RBKS: variants seen among roughly 807,000 people sequenced by gnomAD.
The protein encoded by RBKS is ribokinase.
RBKS carries 33 observed loss-of-function variants against 33.9 expected under a neutral mutation model. That is an observed-to-expected ratio of 0.97 (90% CI 0.74 to 1.30). RBKS has a LOEUF of 1.30. RBKS is among the 50% of genes most tolerant of loss of function. The pLI, the probability that RBKS is intolerant of heterozygous loss-of-function variation, is 0.00. For missense variants in RBKS, 361 were observed against 392.6 expected, an observed-to-expected ratio of 0.92 and a Z score of 0.68; for synonymous variants, 125 against 143.0, an observed-to-expected ratio of 0.87 and a Z score of 0.90.
rs1254824216 is a variant in RBKS, at chr2:27,861,329, T to A, written c.90-2758A>T. The A allele has an allele frequency of 3.5e-5, 14 of 394,548 alleles. No homozygotes were observed. The Admixed American group carries it at 4.2e-4, about 12-fold the overall frequency. The allele number at this position is 394,548 out of a possible 1,614,324, so 24.4% of individuals were successfully genotyped here. A position where few individuals can be genotyped will look rare whatever the true frequency, so the allele number is the denominator to read the frequency against. On this transcript the variant is annotated intron_variant, in intron 1 of 7. Coordinates refer to ENST00000302188, the MANE Select transcript of RBKS (RefSeq NM_022128.3). Reference sequence around the variant, plus strand: ...ATCTATTCCTGTTCTGAAATGAGGATGTGGAGGTGTTGATTAGGGAAGCAG... The same window carrying A: ...ATCTATTCCTGTTCTGAAATGAGGAAGTGGAGGTGTTGATTAGGGAAGCAG...
Position 27,795,965 on chromosome 2 carries a change from G to C in RBKS, c.796-14177C>G, listed in dbSNP as rs1361806371. Among the ~76,000 whole-genome samples the C allele has an allele frequency of 1.3e-5, 2 of 152,134 alleles. No individual in the cohort carries two copies. The highest frequency in any genetic ancestry group is 2.4e-5 in the African/African-American group (1 of 41,422). ...CTCCTGCTGCCTTGTCCCTTGCTTT[G>C]AGTTGACCTGACTTATTGGTCCTGG... On this transcript the variant is annotated intron_variant, in intron 7 of 7. Transcript: ENST00000302188. The surrounding 1 kb of genome is among the most constrained non-coding windows in gnomAD (Gnocchi z 4.1).
At chr2:27,825,002 T>C (rs1451638767) in intron 7 of RBKS, among the ~76,000 whole-genome samples, 1 of 152,044 alleles carries the variant, frequency 6.6e-6, no homozygotes, top group Non-Finnish European at 1.5e-5. Flanking sequence ...CCAGGCATGG[T>C]GGCGTGTACC....
chr2:27,800,830 A>C (rs565959375), intron 7 of RBKS, among the ~76,000 whole-genome samples: 1 of 152,266 alleles, frequency 6.6e-6, no homozygotes, highest in African/African-American at 2.4e-5. Context: ...CTTGTTTATG[A>C]GGGATGCCAG....
intron 1 of RBKS, chr2:27,889,977 A>T: frequency 2.9e-6 from 1 of 339,232 alleles, no homozygotes; most frequent in Non-Finnish European, 5.4e-6. Flanking sequence ...TTGGGGGCGC[A>T]AGTCTTTGGA....
At chr2:27,796,825 G>A (rs934670999) in intron 7 of RBKS, among the ~76,000 whole-genome samples, 2 of 152,192 alleles carry the variant, frequency 1.3e-5, no homozygotes, top group African/African-American at 2.4e-5. Context: ...GCTAGGGCTC[G>A]AGGCAATGTT....
intron 7 of RBKS, among the ~76,000 whole-genome samples, chr2:27,826,601 T>A (rs1678318428): frequency 6.6e-6 from 1 of 151,994 alleles, no homozygotes; most frequent in African/African-American, 2.4e-5. Flanking sequence ...TAGAATGGGG[T>A]TTCACCATGT....
chr2:27,853,793 G>A (rs1333550278), intron 2 of RBKS, among the ~76,000 whole-genome samples: 3 of 152,128 alleles, frequency 2.0e-5, no homozygotes. Flanking sequence ...TCCTATACAA[G>A]GTTTATATTA....
In RBKS at chr2:27,854,282, A is replaced by G. The variant is rs368815832; in HGVS notation, c.222+4157T>C. 4.2e-4 allele frequency among the ~76,000 whole-genome samples: 64 copies of G among 152,296 alleles called. 1 individual carries two copies. Among genetic ancestry groups the G allele is most frequent in the African/African-American group, 1.5e-3 (63 of 41,566 alleles). ...AAATGATCCTAACTGCTTACTCTCAATTCCTGTGCTGTTTGGACCGGTGAC... is the reference window on the plus strand; with the variant it reads ...AAATGATCCTAACTGCTTACTCTCAGTTCCTGTGCTGTTTGGACCGGTGAC... On this transcript the variant is annotated intron_variant, in intron 2 of 7. Transcript: ENST00000302188.
In RBKS at chr2:27,842,735, C is replaced by T. The variant is rs551204754; in HGVS notation, c.514+332G>A. On this transcript the variant is annotated intron_variant, in intron 5 of 7. Coordinates refer to ENST00000302188, the MANE Select transcript of RBKS (RefSeq NM_022128.3). Reference sequence around the variant, plus strand: ...GCAGCAGAGCGATCTCGGCTCACTGCAACCTCCACCTCTAGGGTTCAAGCG... The same window carrying T: ...GCAGCAGAGCGATCTCGGCTCACTGTAACCTCCACCTCTAGGGTTCAAGCG... Among the ~76,000 whole-genome samples the T allele has an allele frequency of 1.7e-3, 265 of 152,084 alleles. 1 individual carries two copies. The highest frequency in any genetic ancestry group is 6.8e-3 in the Middle Eastern group (2 of 294).
chr2:27,844,664 G>A (rs768256825), intron 4 of RBKS, among the ~76,000 whole-genome samples: 1 of 151,976 alleles, frequency 6.6e-6, no homozygotes, highest in East Asian at 1.9e-4. Flanking sequence ...CCCAAAGTGC[G>A]GGGATTACAG....
chr2:27,878,645 C>T (rs977358835), intron 1 of RBKS, among the ~76,000 whole-genome samples: 3 of 152,014 alleles, frequency 2.0e-5, no homozygotes, highest in Non-Finnish European at 4.4e-5. Context: ...ACAGTCCCAC[C>T]AACAGTGTAA....
At chr2:27,816,754 C>T (rs1453441261) in intron 7 of RBKS, among the ~76,000 whole-genome samples, 4 of 152,082 alleles carry the variant, frequency 2.6e-5, no homozygotes, top group Non-Finnish European at 5.9e-5. Flanking sequence ...CCTGCCACCA[C>T]GCCCAGCTAA....
At position 27,836,971 on chromosome 2, in the gene RBKS, G is replaced by C. The variant is rs770356649; in HGVS notation, c.515-4194C>G. On this transcript the variant is annotated intron_variant, in intron 5 of 7. Coordinates refer to ENST00000302188, the MANE Select transcript of RBKS (RefSeq NM_022128.3). Reference sequence around the variant, plus strand: ...ATACCATCTCACACCAGTCAAAACAGCTATTATTAAAAAGTCAAGGGCCAG... The same window carrying C: ...ATACCATCTCACACCAGTCAAAACACCTATTATTAAAAAGTCAAGGGCCAG... Among the ~76,000 whole-genome samples, 12 of 150,672 alleles carry C rather than the reference G, an allele frequency of 8.0e-5. 1 individual carries two copies. Among genetic ancestry groups the C allele is most frequent in the Non-Finnish European group, 1.5e-4 (10 of 68,016 alleles).
At chr2:27,862,067 C>A (rs111778512) in intron 1 of RBKS, among the ~76,000 whole-genome samples, 263 of 151,428 alleles carry the variant, frequency 1.7e-3, no homozygotes, top group African/African-American at 5.9e-3. Context: ...CCCACCTTAG[C>A]CTCCCAGAGA....
chr2:27,867,515 A>C (rs904917216), intron 1 of RBKS, among the ~76,000 whole-genome samples: 1 of 152,124 alleles, frequency 6.6e-6, no homozygotes, highest in South Asian at 2.1e-4. Flanking sequence ...TGGGGACGAA[A>C]AGGGGCACAT....
chr2:27,825,351 G>T (rs554236739), intron 7 of RBKS, among the ~76,000 whole-genome samples: 1 of 152,166 alleles, frequency 6.6e-6, no homozygotes, highest in Non-Finnish European at 1.5e-5. Context: ...GCCACGTCAT[G>T]TACAAAGATT....
intron 7 of RBKS, among the ~76,000 whole-genome samples, chr2:27,805,480 A>C (rs1677878097): frequency 6.6e-6 from 1 of 152,218 alleles, no homozygotes; most frequent in African/African-American, 2.4e-5. Context: ...CAGTATCCAC[A>C]CAACATAGTT....
chr2:27,794,338 T>TAA lies in RBKS; in HGVS notation c.796-12552_796-12551dup, dbSNP rs1677597766. The stretch of plus-strand genomic sequence containing the variant: ...ATAATAATAATAATAATAATAATAA[T>TAA]AATAATAATAAAGAAATTTTAAAAA... On this transcript the variant is annotated intron_variant, in intron 7 of 7. Coordinates refer to ENST00000302188, the MANE Select transcript of RBKS (RefSeq NM_022128.3). Among the ~76,000 whole-genome samples the TAA allele has an allele frequency of 2.1e-5, 3 of 146,106 alleles. No homozygotes were observed. In the East Asian group the frequency reaches 5.9e-4, roughly 29 times the overall value.
intron 7 of RBKS, among the ~76,000 whole-genome samples, chr2:27,794,653 C>T (rs994990443): frequency 5.5e-5 from 7 of 127,834 alleles, no homozygotes; most frequent in Middle Eastern, 4.8e-3. Flanking sequence ...CTGGAGTTTT[C>T]GCTCTTGTTG....
Sources: allele counts gnomAD v4.1 joint callset (sites outside exome capture counted in the v4.1 genomes callset), GRCh38; gene constraint gnomAD v4.1.1; non-coding constraint Gnocchi (gnomAD v3.1); transcripts MANE v1.5; gene names NCBI Gene and HGNC (gene_info 2026-07-23, HGNC 2026-07-21).